Variants in POMT1 observed in about 807,000 individuals in gnomAD.
POMT1 encodes the protein protein O-mannosyltransferase 1, also known as protein O-mannosyl-transferase 1.
A neutral mutation model predicts 101.6 loss-of-function variants in POMT1; 85 were observed. That is an observed-to-expected ratio of 0.84 (90% CI 0.70 to 1.00). The LOEUF (loss-of-function observed/expected upper bound fraction) is 1.00, where lower values mean the gene tolerates loss of function less well. Among genes scored for constraint, POMT1 ranks in the 50% least tolerant of loss-of-function variants. The pLI, the probability that POMT1 is intolerant of heterozygous loss-of-function variation, is 0.00. For synonymous variants in POMT1, 371 were observed against 383.0 expected, an observed-to-expected ratio of 0.97 and a Z score of 0.37; for missense variants, 857 against 930.4, an observed-to-expected ratio of 0.92 and a Z score of 1.03.
In POMT1 at chr9:131,504,302, G is replaced by C. The variant is rs747102545; in HGVS notation, c.84G>C (p.Leu28=). ...TGGCCCTGACTGGGATGGGGTTACT[G>C]AGCCGGCTGTGGCGACTCACCTACC... ...SLVALTGMGL[L]SRLWRLTYPR... The change falls in exon 2 of 20, where the codon CTG becomes CTC. Residue 28 remains leucine (L), a synonymous_variant. Coordinates refer to ENST00000402686, the MANE Select transcript of POMT1 (RefSeq NM_001077365.2). The C allele has an allele frequency of 4.8e-5, 77 of 1,614,098 alleles. No homozygotes were observed. Among genetic ancestry groups the C allele is most frequent in the Non-Finnish European group, 6.2e-5 (73 of 1,180,050 alleles).
At chr9:131,520,843 A>G (rs1423479483) in intron 17 of POMT1, among the ~76,000 whole-genome samples, 2 of 151,628 alleles carry the variant, frequency 1.3e-5, no homozygotes, top group Non-Finnish European at 2.9e-5. Context: ...GTGTGTGTGT[A>G]TGTGAGAGAG....
intron 10 of POMT1, chr9:131,511,728 G>A (rs1437003890): frequency 6.9e-6 from 4 of 580,166 alleles, no homozygotes; most frequent in East Asian, 3.0e-5. Context: ...ATCTGATTTC[G>A]GCTCCTTGTC....
intron 17 of POMT1, among the ~76,000 whole-genome samples, chr9:131,520,490 C>T (rs1172475375): frequency 6.6e-6 from 1 of 152,220 alleles, no homozygotes; most frequent in East Asian, 1.9e-4. Context: ...TTCCGTGTGG[C>T]ACCTGGTGGT....
chr9:131,503,864 T>C lies in POMT1; in HGVS notation c.-30-325T>C, dbSNP rs1945126828. Among the ~76,000 whole-genome samples, 1 of 152,148 alleles carries C rather than the reference T, an allele frequency of 6.6e-6. No homozygotes were observed. Among genetic ancestry groups the C allele is most frequent in the Non-Finnish European group, 1.5e-5 (1 of 68,014 alleles). On this transcript the variant is annotated intron_variant, in intron 1 of 19. Coordinates refer to ENST00000402686, the MANE Select transcript of POMT1 (RefSeq NM_001077365.2). The surrounding 1 kb of genome is among the most constrained non-coding windows in gnomAD (Gnocchi z 4.4). ...TAGCTGTGGCCGCACTGTGGGCTTC[T>C]GGTCGTCGGGGAGGGAGGGGAGAAA... is the stretch of plus-strand genomic sequence containing the variant.
chr9:131,518,328 G>A, intron 13 of POMT1, 117 bp from the exon 14 acceptor site: 1 of 920,054 alleles, frequency 1.1e-6, no homozygotes, highest in Non-Finnish European at 1.8e-6. Flanking sequence ...CTCACTTGGG[G>A]ACTTGTCCCT....
chr9:131,504,966 C>T (rs553005731), intron 2 of POMT1, among the ~76,000 whole-genome samples: 36 of 152,072 alleles, frequency 2.4e-4, no homozygotes, highest in African/African-American at 8.0e-4. Flanking sequence ...TTAGTAGAGA[C>T]GGGATTTCAC....
At position 131,519,744 on chromosome 9, in the gene POMT1, C is replaced by T. The variant is rs539485446; in HGVS notation, c.1584+258C>T. ...CATCGCCAGGGTGTCTTAAGGCCCC[C>T]AGGCAGCGAAATGGGCCACACTCAA... On this transcript the variant is annotated intron_variant, in intron 16 of 19. Coordinates refer to ENST00000402686, the MANE Select transcript of POMT1 (RefSeq NM_001077365.2). The surrounding 1 kb of genome is among the most constrained non-coding windows in gnomAD (Gnocchi z 4.3). Among the ~76,000 whole-genome samples, 1 of 152,262 alleles carries T rather than the reference C, an allele frequency of 6.6e-6. No homozygotes were observed. Among genetic ancestry groups the T allele is most frequent in the South Asian group, 2.1e-4 (1 of 4,816 alleles).
At chr9:131,514,294 C>A (rs1029058458) in intron 12 of POMT1, among the ~76,000 whole-genome samples, 1 of 152,202 alleles carries the variant, frequency 6.6e-6, no homozygotes, top group African/African-American at 2.4e-5. Context: ...TCCCTGGTGA[C>A]CCTGACACAC....
chr9:131,512,677 T>C (rs1489874585), intron 11 of POMT1, among the ~76,000 whole-genome samples: 1 of 152,124 alleles, frequency 6.6e-6, no homozygotes, highest in Admixed American at 6.5e-5. Flanking sequence ...AGTGGTACGA[T>C]CTCGGCTCAC....
At chr9:131,512,908 G>A (rs1308834645) in intron 11 of POMT1, among the ~76,000 whole-genome samples, 3 of 151,514 alleles carry the variant, frequency 2.0e-5, no homozygotes, top group South Asian at 4.2e-4. Context: ...CACCACGCCC[G>A]GCCCCCTCAT....
intron 17 of POMT1, among the ~76,000 whole-genome samples, chr9:131,520,706 C>A (rs905083074): frequency 3.3e-5 from 5 of 152,248 alleles, no homozygotes; most frequent in Non-Finnish European, 5.9e-5. Flanking sequence ...GCCCAGAGGC[C>A]GCCCCACCCC....
intron 9 of POMT1, 141 bp downstream of exon 9, chr9:131,510,556 G>A: frequency 2.6e-6 from 3 of 1,168,802 alleles, no homozygotes; most frequent in South Asian, 2.6e-5. Flanking sequence ...TTTTTGGTGG[G>A]GGGGATGGAG....
intron 9 of POMT1, chr9:131,510,657 C>A: frequency 3.7e-6 from 2 of 544,474 alleles, no homozygotes; most frequent in Non-Finnish European, 3.3e-6. Context: ...GCACCTGCAA[C>A]CACACCCAGC....
intron 12 of POMT1, among the ~76,000 whole-genome samples, chr9:131,513,947 C>T (rs1947714900): frequency 6.6e-6 from 1 of 152,216 alleles, no homozygotes; most frequent in Non-Finnish European, 1.5e-5. Flanking sequence ...TGGACTTCCA[C>T]CCGGCTGCCC....
chr9:131,512,066 C>T lies in POMT1; in HGVS notation c.1012C>T (p.His338Tyr), dbSNP rs1183913041. The T allele has an allele frequency of 8.7e-6, 14 of 1,614,020 alleles. No homozygotes were observed. The highest frequency in any genetic ancestry group is 1.1e-5 in the Non-Finnish European group (13 of 1,180,028). The change falls in exon 11 of 20, where the codon CAC becomes TAC. Residue 338 changes from histidine (H) to tyrosine (Y), a missense_variant. Physicochemically the swap from His to Tyr is moderately conservative, Grantham distance 83 (BLOSUM62 2). Transcript: ENST00000402686. ...ATATGAGAACGGCCGAGGCAGCTCCCACCAGCAACAGGTGACCTGTTACCC... is the reference window on the plus strand; with the variant it reads ...ATATGAGAACGGCCGAGGCAGCTCCTACCAGCAACAGGTGACCTGTTACCC... The part of the protein sequence containing the change: ...MIYENGRGSS[H>Y]QQQVTCYPFK...
In POMT1 at chr9:131,510,396, C is replaced by T. The variant is rs772299952; in HGVS notation, c.836C>T (p.Ala279Val). The T allele has an allele frequency of 6.2e-7, 1 of 1,614,184 alleles. No homozygotes were observed. The highest frequency in any genetic ancestry group is 1.1e-5 in the South Asian group (1 of 91,092). Residue 279 changes from alanine (A) to valine (V), a missense_variant, in exon 9 of 20, where the codon GCC (alanine) becomes GTC (valine). Ala to Val is a moderately conservative substitution (Grantham distance 64, BLOSUM62 0). Coordinates refer to ENST00000402686, the MANE Select transcript of POMT1 (RefSeq NM_001077365.2). The part of the protein sequence containing the change: ...SGPHDQIMSS[A>V]FQASLEGGLA... ...CCCCACGACCAAATCATGTCCAGTG[C>T]CTTCCAGGCCAGCTTAGAGGTAAGT...
rs996577042 is a variant in POMT1 at position 131,504,779 on chromosome 9, G to A, written c.122+439G>A. 9.4e-3 allele frequency among the ~76,000 whole-genome samples: 1,427 copies of A among 151,826 alleles called. 28 individuals are homozygous for A. Among genetic ancestry groups the A allele is most frequent in the African/African-American group, 0.033 (1,349 of 41,388 alleles). The stretch of plus-strand genomic sequence containing the variant: ...TATGTGTGTGTGTGTGTGTGTGTGT[G>A]TGTGTGTGTGTGTTTTTGAGACGGA... On this transcript the variant is annotated intron_variant, in intron 2 of 19. Coordinates refer to ENST00000402686, the MANE Select transcript of POMT1 (RefSeq NM_001077365.2).
chr9:131,504,479 C>G (rs1005745081), intron 2 of POMT1, 139 bp downstream of exon 2: 1 of 1,275,532 alleles, frequency 7.8e-7, no homozygotes, highest in African/African-American at 1.5e-5. Context: ...AGAGGAGAGA[C>G]CAGTCTGTCC....
In POMT1 at chr9:131,523,230, C is replaced by T; in HGVS notation, c.*124C>T. On this transcript the variant is annotated 3_prime_UTR_variant, in exon 20 of 20. Coordinates refer to ENST00000402686, the MANE Select transcript of POMT1 (RefSeq NM_001077365.2). ...GGACACGGGCTGGGCTGAGCAGGGC[C>T]TCTAGTGGAACACATGGGGGTCTCA... The T allele has an allele frequency of 1.6e-6, 2 of 1,220,714 alleles. No homozygotes were observed. Among genetic ancestry groups the T allele is most frequent in the Non-Finnish European group, 2.3e-6 (2 of 862,074 alleles). 75.6% of individuals were successfully genotyped at this position (1,220,714 alleles called of 1,614,324 possible). A position where few individuals can be genotyped will look rare whatever the true frequency, so the allele number is the denominator to read the frequency against.
Sources: gnomAD v4.1 joint callset for allele counts (sites outside exome capture counted in the v4.1 genomes callset) on GRCh38, gnomAD v4.1.1 for gene constraint, Gnocchi (gnomAD v3.1) non-coding constraint, MANE v1.5 for transcripts, NCBI Gene and HGNC (gene_info 2026-07-23, HGNC 2026-07-21) for gene names.